The following CALB1 variants were observed in gnomAD, a reference collection of about 807,000 sequenced individuals.
CALB1 encodes the protein calbindin.
Under a neutral mutation model 46.7 loss-of-function variants are expected in CALB1, and 16 were observed. The ratio of observed to expected loss-of-function variants is 0.34; its 90% CI spans 0.23 to 0.52. CALB1 has a LOEUF of 0.52. CALB1 is among the 20% of genes least tolerant of loss of function. CALB1 has a pLI of 0.95. For synonymous variants in CALB1, 90 were observed against 112.8 expected (o/e 0.80, Z 1.28); for missense variants, 224 against 300.3 (o/e 0.75, Z 1.88).
chr8:90,065,772 T>C, intron 6 of CALB1, 126 bp downstream of exon 6: 2 of 634,004 alleles, frequency 3.2e-6, no homozygotes, highest in Middle Eastern at 2.5e-4. Flanking sequence ...AATGAAATGA[T>C]ACCTATGTGC....
rs1394594132 is a variant in CALB1 at position 90,063,476 on chromosome 8, G to A, written c.451-15C>T. On this transcript the variant is annotated splice_polypyrimidine_tract_variant and intron_variant, in intron 6 of 10. Coordinates refer to ENST00000265431, the MANE Select transcript of CALB1 (RefSeq NM_004929.4). ...AATAGTTTCAGCTGAAAGACAGAAT[G>A]CCATTATTCTAGCTATTTGAGGAAT... is the stretch of plus-strand genomic sequence containing the variant. 6.2e-7 allele frequency: 1 copy of A among 1,600,234 alleles called. No individual in the cohort carries two copies. The highest frequency in any genetic ancestry group is 8.6e-7 in the Non-Finnish European group (1 of 1,169,232).
At chr8:90,076,945 C>A (rs1404942957) in intron 3 of CALB1, among the ~76,000 whole-genome samples, 1 of 151,862 alleles carries the variant, frequency 6.6e-6, no homozygotes, top group Non-Finnish European at 1.5e-5. Context: ...GAATAAATAG[C>A]TGAGTCCATT....
intron 2 of CALB1, among the ~76,000 whole-genome samples, chr8:90,080,940 C>T (rs555510157): frequency 6.6e-6 from 1 of 152,142 alleles, no homozygotes; most frequent in South Asian, 2.1e-4. Context: ...TGTAAAATCT[C>T]TTTCTAAACG....
chr8:90,082,714 T>C lies in CALB1; in HGVS notation c.-17A>G, dbSNP rs370986893. 1.2e-4 allele frequency: 197 copies of C among 1,609,132 alleles called. No homozygotes were observed. The highest frequency in any genetic ancestry group is 2.2e-5 in the Non-Finnish European group (26 of 1,175,614). On this transcript the variant is annotated 5_prime_UTR_variant, in exon 1 of 11. Transcript: ENST00000265431. ...TTCTGCCATTGTACAGCGGGGTGTG[T>C]GTCTGGGTGTGTGAATATGCGTGTG...
At chr8:90,064,688 C>T (rs1321356251) in intron 6 of CALB1, among the ~76,000 whole-genome samples, 1 of 151,732 alleles carries the variant, frequency 6.6e-6, no homozygotes, top group Non-Finnish European at 1.5e-5. Flanking sequence ...AGAGCTTAGA[C>T]CTGTTGATTG....
intron 3 of CALB1, among the ~76,000 whole-genome samples, chr8:90,071,712 G>A (rs980193994): frequency 6.6e-6 from 1 of 152,150 alleles, no homozygotes; most frequent in Non-Finnish European, 1.5e-5. Flanking sequence ...TGGATGTTAT[G>A]TATACATTTT....
chr8:90,074,286 C>A (rs1179013484), intron 3 of CALB1, among the ~76,000 whole-genome samples: 1 of 152,000 alleles, frequency 6.6e-6, no homozygotes, highest in East Asian at 1.9e-4. Flanking sequence ...TCTACTTGTT[C>A]AATATGTATT....
chr8:90,078,510 T>TG, intron 2 of CALB1, 63 bp from the exon 3 acceptor site: 2 of 924,210 alleles, frequency 2.2e-6, no homozygotes, highest in South Asian at 2.9e-5. Context: ...CTTGTGATGG[T>TG]GTTAATAACT....
At chr8:90,074,234 T>C (rs1273638893) in intron 3 of CALB1, among the ~76,000 whole-genome samples, 2 of 152,132 alleles carry the variant, frequency 1.3e-5, no homozygotes, top group African/African-American at 2.4e-5. Context: ...TAACAATAAC[T>C]GCAAATACAT....
chr8:90,075,923 T>C (rs1814615913), intron 3 of CALB1, among the ~76,000 whole-genome samples: 1 of 152,028 alleles, frequency 6.6e-6, no homozygotes, highest in Non-Finnish European at 1.5e-5. Flanking sequence ...GATCTAAGTC[T>C]GTATATAGAA....
At chr8:90,063,184 A>AG (rs752180727) in intron 8 of CALB1, 31 bp from the exon 9 acceptor site, 1 of 1,559,286 alleles carries the variant, frequency 6.4e-7, no homozygotes, top group Non-Finnish European at 8.8e-7. Flanking sequence ...AAATGTTAAA[A>AG]TGTTATTACT....
At position 90,082,026 on chromosome 8, in the gene CALB1, C is replaced by A; in HGVS notation, c.156G>T (p.Leu52Phe). 1.2e-6 allele frequency: 2 copies of A among 1,612,788 alleles called. No individual in the cohort carries two copies. Among genetic ancestry groups the A allele is most frequent in the Non-Finnish European group, 1.7e-6 (2 of 1,179,174 alleles). The change falls in exon 2 of 11, where the codon TTG becomes TTT. Residue 52 changes from leucine to phenylalanine, a missense_variant and splice_region_variant. Physicochemically the swap from Leu to Phe is conservative, Grantham distance 22. Transcript: ENST00000265431. ...ELQQARKKAG[L>F]ELSPEMKTFV... Reference sequence around the variant, plus strand: ...TTCTTTTTCGCAAACTTGAACCTACCAATCCAGCCTTCTTTCGCGCCTGCT... The same window carrying A: ...TTCTTTTTCGCAAACTTGAACCTACAAATCCAGCCTTCTTTCGCGCCTGCT...
rs751682653 is a variant in CALB1 at position 90,078,420 on chromosome 8, C to T, written c.184G>A (p.Val62Met). The T allele has an allele frequency of 1.0e-5, 16 of 1,592,924 alleles. No individual in the cohort carries two copies. The highest frequency in any genetic ancestry group is 2.3e-5 in the South Asian group (2 of 88,768). Residue 62 changes from valine to methionine, a missense_variant, in exon 3 of 11, where the codon GTG (valine) becomes ATG (methionine). By Grantham distance (21) the Val-to-Met change is conservative (BLOSUM62 1). Transcript: ENST00000265431. ...LELSPEMKTFVDQYGQRDDGK... is the reference protein window; with the variant it reads ...LELSPEMKTFMDQYGQRDDGK... Reference sequence around the variant, plus strand: ...TCATCTCTTTGCCCATACTGATCCACAAAAGTTTTCATTTCAGGTGATAAC... The same window carrying T: ...TCATCTCTTTGCCCATACTGATCCATAAAAGTTTTCATTTCAGGTGATAAC...
intron 3 of CALB1, among the ~76,000 whole-genome samples, chr8:90,072,350 C>G (rs997487760): frequency 2.0e-5 from 3 of 152,128 alleles, no homozygotes; most frequent in Non-Finnish European, 2.9e-5. Flanking sequence ...ATGTGTATTT[C>G]TTGCCCATAC....
chr8:90,073,573 C>T (rs979286055), intron 3 of CALB1, among the ~76,000 whole-genome samples: 21 of 152,324 alleles, frequency 1.4e-4, no homozygotes, highest in African/African-American at 5.1e-4. Flanking sequence ...ATCCCAAGAG[C>T]ACTTCCTAAT....
At chr8:90,066,422 AT>A in intron 5 of CALB1, among the ~76,000 whole-genome samples, 1 of 152,132 alleles carries the variant, frequency 6.6e-6, no homozygotes, top group Middle Eastern at 3.4e-3. Context: ...TCTATCCCTA[AT>A]TTCAAATCCA....
chr8:90,060,406 G>T (rs2130214018), intron 10 of CALB1, 120 bp from the exon 11 acceptor site: 2 of 737,126 alleles, frequency 2.7e-6, no homozygotes, highest in East Asian at 5.2e-5. Context: ...AAAAGAGCTG[G>T]ATTAAATTCT....
chr8:90,065,016 A>C (rs994104922), intron 6 of CALB1, among the ~76,000 whole-genome samples: 2 of 151,832 alleles, frequency 1.3e-5, no homozygotes, highest in East Asian at 1.9e-4. Flanking sequence ...CTAATATAAC[A>C]GTAGCTTTTA....
chr8:90,063,359 T>A lies in CALB1; in HGVS notation c.507-39A>T, dbSNP rs771321639. On this transcript the variant is annotated intron_variant, in intron 7 of 10. Coordinates refer to ENST00000265431, the MANE Select transcript of CALB1 (RefSeq NM_004929.4). ...AACATTATATTAATATATTACATTT[T>A]TTGAAAAGGATCCACTTACAATATT... 1.7e-5 allele frequency: 27 copies of A among 1,583,752 alleles called. No homozygotes were observed. In the African/African-American group the frequency reaches 2.7e-4, roughly 16 times the overall value.
Sources: allele counts gnomAD v4.1 joint callset (sites outside exome capture counted in the v4.1 genomes callset), GRCh38; gene constraint gnomAD v4.1.1; transcripts MANE v1.5; gene names NCBI Gene and HGNC (gene_info 2026-07-23, HGNC 2026-07-21).